PCNT: variants seen among roughly 807,000 people sequenced by gnomAD.
PCNT encodes the protein kendrin.
A neutral mutation model predicts 380.4 loss-of-function variants in PCNT; 319 were observed. That is an observed-to-expected ratio of 0.84 (90% CI 0.77 to 0.92). The LOEUF is 0.92. Among genes scored for constraint, PCNT ranks in the 40% least tolerant of loss-of-function variants. PCNT has a pLI of 0.00. For synonymous variants in PCNT, 1,845 were observed against 1,735.2 expected, an observed-to-expected ratio of 1.06 and a Z score of -1.57; for missense variants, 4,400 against 4,255.3, an observed-to-expected ratio of 1.03 and a Z score of -0.95.
Position 46,440,187 on chromosome 21 carries a change from C to T in PCNT, c.9378C>T (p.His3126=), listed in dbSNP as rs2053569807. 1 of 1,614,174 alleles carries T rather than the reference C, an allele frequency of 6.2e-7. No individual in the cohort carries two copies. The highest frequency in any genetic ancestry group is 1.1e-5 in the South Asian group (1 of 91,088). The change falls in exon 42 of 47, where the codon CAC becomes CAT. Residue 3126 remains histidine (H), a synonymous_variant. Coordinates refer to ENST00000359568, the MANE Select transcript of PCNT (RefSeq NM_006031.6). The stretch of plus-strand genomic sequence containing the variant: ...CACCAGCTGCCAGCGAGGAAGCACA[C>T]ACCAGCAATGTCAAGGTAGGAACGG... ...RLPPAASEEA[H]TSNVKMEKLY... is the part of the protein sequence containing the mutation.
In PCNT at chr21:46,388,751, C is replaced by T; in HGVS notation, c.3474C>T (p.Leu1158=). The T allele has an allele frequency of 1.2e-6, 2 of 1,613,872 alleles. No homozygotes were observed. Among genetic ancestry groups the T allele is most frequent in the Non-Finnish European group, 1.7e-6 (2 of 1,179,988 alleles). Residue 1158 remains leucine (L), a synonymous_variant, in exon 18 of 47, where the codon CTC becomes CTT. Transcript: ENST00000359568. This position sits in a 1 kb window ranked among gnomAD's most constrained non-coding sequence, Gnocchi z 4.2. ...VNLSHSERGA[L]QDALRRLLGL... Reference sequence around the variant, plus strand: ...GTGTCTCCTGTCTCAGAGGGGCCCTCCAGGACGCCCTGCGCAGGCTGCTGG... The same window carrying T: ...GTGTCTCCTGTCTCAGAGGGGCCCTTCAGGACGCCCTGCGCAGGCTGCTGG...
chr21:46,346,750 A>C lies in PCNT; in HGVS notation c.728A>C (p.His243Pro). Residue 243 changes from histidine (H) to proline (P), a missense_variant, in exon 5 of 47, where the codon CAT (histidine) becomes CCT (proline). Physicochemically the swap from His to Pro is moderately conservative, Grantham distance 77. Transcript: ENST00000359568. ...EAGLHQSQAV[H>P]GLELEALRLS... is the part of the protein sequence containing the mutation. ...GCCTTTTCTCCGCCGCAGGCCGTGC[A>C]TGGCCTTGAGCTGGAGGCGCTGCGC... 1.9e-6 allele frequency: 3 copies of C among 1,597,888 alleles called. No homozygotes were observed. In the African/African-American group the frequency reaches 4.0e-5, roughly 21 times the overall value.
At chr21:46,444,673 G>A in intron 45 of PCNT, 21 bp from the exon 46 acceptor site, 1 of 1,563,912 alleles carries the variant, frequency 6.4e-7, no homozygotes, top group African/African-American at 1.4e-5. Context: ...TTCTTCTCTT[G>A]GTGTGGTAAT....
chr21:46,420,116 G>T (rs1185855405), intron 31 of PCNT, among the ~76,000 whole-genome samples: 1 of 151,614 alleles, frequency 6.6e-6, no homozygotes, highest in Non-Finnish European at 1.5e-5. Flanking sequence ...GGGCCTGCGC[G>T]GTCAGGGTGT....
At chr21:46,432,984 A>G (rs1384428364) in intron 38 of PCNT, among the ~76,000 whole-genome samples, 2 of 152,168 alleles carry the variant, frequency 1.3e-5, no homozygotes, top group African/African-American at 4.8e-5. Flanking sequence ...TATAAGTTTT[A>G]TACTTTTGTT....
chr21:46,339,159 G>C (rs1416061179), intron 3 of PCNT, among the ~76,000 whole-genome samples: 1 of 151,988 alleles, frequency 6.6e-6, no homozygotes, highest in African/African-American at 2.4e-5. Flanking sequence ...CAGGTGATCT[G>C]CTCACCTCGG....
chr21:46,436,443 A>G (rs1239248738), intron 39 of PCNT, among the ~76,000 whole-genome samples: 1 of 106,390 alleles, frequency 9.4e-6, no homozygotes. Context: ...CTCACCACCC[A>G]CAGGGTCGGG....
At chr21:46,440,798 G>A (rs2053588536) in intron 42 of PCNT, 57 bp from the exon 43 acceptor site, 2 of 1,071,602 alleles carry the variant, frequency 1.9e-6, no homozygotes, top group Non-Finnish European at 1.4e-6. Flanking sequence ...ATGTGCTTTT[G>A]TCAGCAAGAC....
intron 8 of PCNT, among the ~76,000 whole-genome samples, chr21:46,351,023 T>A (rs2084246816): frequency 6.6e-6 from 1 of 152,160 alleles, no homozygotes; most frequent in Admixed American, 6.5e-5. Flanking sequence ...CTGAGAGACC[T>A]CCTATTTGGG....
At position 46,391,371 on chromosome 21, in the gene PCNT, A is replaced by T; in HGVS notation, c.4211A>T (p.Glu1404Val). ...EATATDAEAR[E>V]AALRKEVEDL... is the part of the protein sequence containing the mutation. The stretch of plus-strand genomic sequence containing the variant: ...ACAGCCACGGACGCCGAGGCCAGAG[A>T]AGCTGGTAAGGAGCGCGGGCTGTGG... Residue 1404 changes from glutamate (E) to valine (V), a missense_variant, in exon 21 of 47, where the codon GAA becomes GTA. Glu to Val is a moderately radical substitution (Grantham distance 121, BLOSUM62 -2). Transcript: ENST00000359568. 6.5e-7 allele frequency: 1 copy of T among 1,548,316 alleles called. No homozygotes were observed.
chr21:46,435,691 C>T (rs1023844617), intron 38 of PCNT, among the ~76,000 whole-genome samples: 44 of 152,114 alleles, frequency 2.9e-4, no homozygotes, highest in Middle Eastern at 3.4e-3. Context: ...TACAGGCGCC[C>T]GCCACCACGC....
intron 4 of PCNT, 123 bp from the exon 5 acceptor site, chr21:46,346,620 C>T (rs969907278): frequency 5.6e-6 from 7 of 1,258,364 alleles, no homozygotes; most frequent in African/African-American, 4.4e-5. Context: ...CCTGCTTCCA[C>T]GGGATGTCTG....
At chr21:46,394,530 G>A in intron 21 of PCNT, 1 of 985,248 alleles carries the variant, frequency 1.0e-6, no homozygotes, top group Non-Finnish European at 1.2e-6. Flanking sequence ...AGCACACAAG[G>A]ACTCAGGTTT....
chr21:46,351,476 A>G lies in PCNT; in HGVS notation c.1392A>G (p.Gln464=), dbSNP rs1481858016. 1.2e-6 allele frequency: 2 copies of G among 1,613,594 alleles called. No individual in the cohort carries two copies. Among genetic ancestry groups the G allele is most frequent in the Non-Finnish European group, 1.7e-6 (2 of 1,179,498 alleles). ...ATGAAGACCTGAAGGCACAATCACA[A>G]GAAGAGATCAGGCGCTTGTGGTCCC... ...ASYEDLKAQS[Q]EEIRRLWSQL... Residue 464 remains glutamine (Q), a synonymous_variant, in exon 9 of 47, where the codon CAA becomes CAG. Transcript: ENST00000359568.
At position 46,427,617 on chromosome 21, in the gene PCNT, T is replaced by C. The variant is rs750806889; in HGVS notation, c.7321-5T>C. 1.2e-4 allele frequency: 193 copies of C among 1,613,738 alleles called. No homozygotes were observed. Among genetic ancestry groups the C allele is most frequent in the Non-Finnish European group, 1.5e-4 (182 of 1,180,018 alleles). On this transcript the variant is annotated splice_polypyrimidine_tract_variant and splice_region_variant and intron_variant, in intron 33 of 46. Transcript: ENST00000359568. ...GGACGCCACGTTTCTTCCTTCTTCC[T>C]TTAGGAAGTGCCCACCGCGTGCCCC...
intron 41 of PCNT, among the ~76,000 whole-genome samples, 195 bp downstream of exon 41, chr21:46,438,532 C>T (rs1347308132): frequency 1.3e-5 from 2 of 152,224 alleles, no homozygotes; most frequent in Non-Finnish European, 2.9e-5. Context: ...TCTCAGCCGA[C>T]TTCCAGCTCC....
Position 46,346,192 on chromosome 21 carries a change from G to A in PCNT, c.704G>A (p.Gly235Asp). Residue 235 changes from glycine (G) to aspartate (D), a missense_variant, in exon 4 of 47, where the codon GGC becomes GAC. Gly to Asp is a moderately conservative substitution (Grantham distance 94). Coordinates refer to ENST00000359568, the MANE Select transcript of PCNT (RefSeq NM_006031.6). ...GAGAGCGGCCGTGAAGATGAGGCTG[G>A]CCTGCATCAGAGTCAGGTGACCCGG... ...DLESGREDEA[G>D]LHQSQAVHGL... 6.2e-7 allele frequency: 1 copy of A among 1,613,794 alleles called. No individual in the cohort carries two copies.
chr21:46,346,126 A>G lies in PCNT; in HGVS notation c.640-2A>G, dbSNP rs758987676. 3 of 1,613,968 alleles carry G rather than the reference A, an allele frequency of 1.9e-6. No homozygotes were observed. The Admixed American group carries it at 5.0e-5, about 27-fold the overall frequency. ...CCTACATTCTTTGCCTTTTTTCCCC[A>G]GGAGTGTGAACAAGAATGTGAACTT... On this transcript the variant is annotated splice_acceptor_variant, in intron 3 of 46. Transcript: ENST00000359568. LOFTEE classifies it high-confidence loss of function.
At chr21:46,324,977 C>A (rs1601727336) in intron 1 of PCNT, 1 of 836,928 alleles carries the variant, frequency 1.2e-6, no homozygotes, top group African/African-American at 5.9e-5. Flanking sequence ...CCTGCCCGTC[C>A]GGGCCTGGCG....
Sources: allele counts gnomAD v4.1 joint callset (sites outside exome capture counted in the v4.1 genomes callset), GRCh38; gene constraint gnomAD v4.1.1; non-coding constraint Gnocchi (gnomAD v3.1); transcripts MANE v1.5; gene names NCBI Gene and HGNC (gene_info 2026-07-23, HGNC 2026-07-21).